The following ATP9B variants were observed in gnomAD, a reference collection of about 807,000 sequenced individuals.
ATP9B encodes probable phospholipid-transporting ATPase IIB.
A neutral mutation model predicts 146.1 loss-of-function variants in ATP9B; 110 were observed. The ratio of observed to expected loss-of-function variants is 0.75; its 90% CI spans 0.65 to 0.88. The LOEUF is 0.88. Ranked by LOEUF, ATP9B falls within the 40% of genes least tolerant of loss-of-function variation. The probability of loss-of-function intolerance (pLI) is 0.00; values close to 1 mark genes in which losing one functional copy is unlikely to be tolerated. For missense variants in ATP9B, 1,499 were observed against 1,496.4 expected (o/e 1.00, Z -0.03); for synonymous variants, 604 against 569.7 (o/e 1.06, Z -0.86).
At chr18:79,230,711 G>GA (rs922662148) in intron 11 of ATP9B, among the ~76,000 whole-genome samples, 8 of 148,050 alleles carry the variant, frequency 5.4e-5, no homozygotes, top group South Asian at 2.1e-4. Flanking sequence ...CACAGAACTA[G>GA]AAAAAAAAAA....
At chr18:79,195,710 T>C (rs771867848) in intron 9 of ATP9B, among the ~76,000 whole-genome samples, 1 of 152,180 alleles carries the variant, frequency 6.6e-6, no homozygotes, top group Non-Finnish European at 1.5e-5. Flanking sequence ...AGGAGAACAC[T>C]GAACGTGAGC....
chr18:79,124,298 C>T lies in ATP9B; in HGVS notation c.559-1969C>T, dbSNP rs185456325. On this transcript the variant is annotated intron_variant, in intron 4 of 29. Transcript: ENST00000426216. ...ACAACTCTGTGAAGGTACTAAAAAA[C>T]GAATTGTATACATTTATAGTGTTAA... 2.0e-4 allele frequency among the ~76,000 whole-genome samples: 30 copies of T among 152,250 alleles called. 1 individual carries two copies. The highest frequency in any genetic ancestry group is 1.5e-3 in the South Asian group (7 of 4,824).
At position 79,113,420 on chromosome 18, in the gene ATP9B, G is replaced by C. The variant is rs973602370; in HGVS notation, c.558+66G>C. ...TTTAGAATATAGTTTTAAGAGTTGA[G>C]ATGGTTAAAAGTTAAATTGACCAGA... On this transcript the variant is annotated intron_variant, in intron 4 of 29. Transcript: ENST00000426216. 7.7e-6 allele frequency: 8 copies of C among 1,039,536 alleles called. No homozygotes were observed. The African/African-American group carries it at 1.2e-4, about 15-fold the overall frequency. The allele number at this position is 1,039,536 out of a possible 1,614,324, so 64.4% of individuals were successfully genotyped here.
At chr18:79,108,976 A>G (rs2075830510) in intron 2 of ATP9B, among the ~76,000 whole-genome samples, 1 of 152,220 alleles carries the variant, frequency 6.6e-6, no homozygotes, top group African/African-American at 2.4e-5. Context: ...TTACGATTAT[A>G]TAGTAAGGGT....
At position 79,096,623 on chromosome 18, in the gene ATP9B, T is replaced by C. The variant is rs752905046; in HGVS notation, c.267T>C (p.Cys89=). The change falls in exon 2 of 30, where the codon TGT becomes TGC. Residue 89 remains cysteine (C), a synonymous_variant. Coordinates refer to ENST00000426216, the MANE Select transcript of ATP9B (RefSeq NM_198531.5). ...QRKRGLEWFV[C]DGWKFLCTSC... is the part of the protein sequence containing the mutation. ...AAAGAGGACTGGAGTGGTTTGTCTG[T>C]GATGGCTGGAAGTTCCTCTGTACCA... 6.2e-7 allele frequency: 1 copy of C among 1,613,760 alleles called. No individual in the cohort carries two copies. The highest frequency in any genetic ancestry group is 8.5e-7 in the Non-Finnish European group (1 of 1,179,822).
At chr18:79,339,662 G>A (rs577033484) in intron 19 of ATP9B, among the ~76,000 whole-genome samples, 27 of 148,882 alleles carry the variant, frequency 1.8e-4, no homozygotes, top group Non-Finnish European at 3.4e-4. Flanking sequence ...GACTGAGATC[G>A]TAGTAGGAAG....
chr18:79,211,889 G>C (rs1246828828), intron 10 of ATP9B, among the ~76,000 whole-genome samples: 1 of 152,092 alleles, frequency 6.6e-6, no homozygotes, highest in East Asian at 1.9e-4. Context: ...TGAAAATATG[G>C]GTTAAAGTTT....
chr18:79,377,024 G>GT (rs2097106864), intron 29 of ATP9B, among the ~76,000 whole-genome samples: 1 of 152,144 alleles, frequency 6.6e-6, no homozygotes. Context: ...CTTTGGTTTT[G>GT]TTTTTTCCAT....
intron 11 of ATP9B, among the ~76,000 whole-genome samples, chr18:79,215,683 C>A (rs1363810368): frequency 2.0e-5 from 3 of 151,128 alleles, no homozygotes; most frequent in African/African-American, 4.9e-5. Context: ...TTCATGTGAG[C>A]AAAACTAGAA....
chr18:79,108,590 T>A (rs1160704327), intron 2 of ATP9B, among the ~76,000 whole-genome samples: 1 of 152,206 alleles, frequency 6.6e-6, no homozygotes, highest in Non-Finnish European at 1.5e-5. Context: ...GTAGAAGTTC[T>A]AGAATAAGGG....
chr18:79,307,244 A>G lies in ATP9B; in HGVS notation c.1773+10A>G. The G allele has an allele frequency of 6.2e-7, 1 of 1,614,032 alleles. No individual in the cohort carries two copies. The highest frequency in any genetic ancestry group is 1.7e-4 in the Middle Eastern group (1 of 6,058). ...TTCCAGCCCGGATGAGGTCAGTCAA[A>G]GCACAAAACCGTGGGAGCTTGTCCG... On this transcript the variant is annotated intron_variant, in intron 15 of 29. Transcript: ENST00000426216.
Position 79,324,458 on chromosome 18 carries a change from A to G in ATP9B, c.1774-4683A>G, listed in dbSNP as rs143852471. Among the ~76,000 whole-genome samples the G allele has an allele frequency of 3.9e-3, 592 of 152,248 alleles. 8 individuals carry two copies. Among genetic ancestry groups the G allele is most frequent in the Middle Eastern group, 0.037 (11 of 294 alleles). ...ATTAGTGGTTTTAGATACCAAGCAG[A>G]TATTACCCATATAAGGGTGTCTTTT... On this transcript the variant is annotated intron_variant, in intron 15 of 29. Transcript: ENST00000426216.
At chr18:79,118,762 C>G (rs927717487) in intron 4 of ATP9B, among the ~76,000 whole-genome samples, 1 of 151,758 alleles carries the variant, frequency 6.6e-6, no homozygotes, top group South Asian at 2.1e-4. Flanking sequence ...ATAGCTTTCA[C>G]AGTTGTATTT....
intron 5 of ATP9B, among the ~76,000 whole-genome samples, chr18:79,127,026 G>A (rs2094298617): frequency 6.6e-6 from 1 of 152,126 alleles, no homozygotes; most frequent in Non-Finnish European, 1.5e-5. Flanking sequence ...GGGAATGAGG[G>A]AGACACTGAA....
chr18:79,265,799 T>C (rs1463270944), intron 12 of ATP9B, among the ~76,000 whole-genome samples: 1 of 152,154 alleles, frequency 6.6e-6, no homozygotes, highest in Admixed American at 6.5e-5. Context: ...GTCTCCATCA[T>C]AAAATCTTCA....
At chr18:79,353,761 T>C (rs949719989) in intron 25 of ATP9B, 3 of 152,184 alleles carry the variant, frequency 2.0e-5, no homozygotes. Context: ...CATCACATGC[T>C]GAAAGTTATA....
chr18:79,133,524 C>T (rs2094408589), intron 5 of ATP9B, among the ~76,000 whole-genome samples: 1 of 152,004 alleles, frequency 6.6e-6, no homozygotes, highest in Non-Finnish European at 1.5e-5. Flanking sequence ...CACACACACA[C>T]ACACACACAC....
chr18:79,130,814 GA>G (rs1568240354), intron 5 of ATP9B, among the ~76,000 whole-genome samples: 1 of 151,506 alleles, frequency 6.6e-6, no homozygotes, highest in African/African-American at 2.4e-5. Flanking sequence ...GAGAGAGAGA[GA>G]AAAAAAACCT....
intron 3 of ATP9B, 105 bp downstream of exon 3, chr18:79,110,610 G>A: frequency 9.1e-7 from 1 of 1,099,540 alleles, no homozygotes; most frequent in Non-Finnish European, 1.2e-6. Flanking sequence ...ATTGAGTTGT[G>A]TCACATCCAA....
Sources: gnomAD v4.1 joint callset for allele counts (sites outside exome capture counted in the v4.1 genomes callset) on GRCh38, gnomAD v4.1.1 for gene constraint, MANE v1.5 for transcripts, NCBI Gene and HGNC (gene_info 2026-07-23, HGNC 2026-07-21) for gene names.